GLT1D1: variants seen among roughly 807,000 people sequenced by gnomAD.
GLT1D1 encodes the protein glycosyltransferase 1 domain containing 1.
Under a neutral mutation model 28.7 loss-of-function variants are expected in GLT1D1, and 21 were observed. The observed-to-expected ratio is 0.73, with a 90% confidence interval of 0.52 to 1.05. The LOEUF (loss-of-function observed/expected upper bound fraction) is 1.05. Ranked by LOEUF, GLT1D1 falls within the 50% of genes least tolerant of loss-of-function variation. The pLI is 0.00. For missense variants in GLT1D1, 343 were observed against 330.6 expected (o/e 1.04, Z -0.29); for synonymous variants, 147 against 124.8 (o/e 1.18, Z -1.19).
intron 6 of GLT1D1, among the ~76,000 whole-genome samples, chr12:128,953,123 C>T (rs778509882): frequency 6.6e-5 from 10 of 152,016 alleles, no homozygotes; most frequent in Non-Finnish European, 1.3e-4. Context: ...CCCATTTATA[C>T]CTTCTCTGAA....
chr12:128,960,936 G>T (rs575870290), intron 7 of GLT1D1, among the ~76,000 whole-genome samples: 6 of 152,046 alleles, frequency 3.9e-5, no homozygotes, highest in Non-Finnish European at 7.4e-5. Context: ...TTCTGCATTC[G>T]CTTTTATTTT....
At chr12:128,899,675 G>C (rs184823525) in intron 4 of GLT1D1, among the ~76,000 whole-genome samples, 23 of 151,228 alleles carry the variant, frequency 1.5e-4, no homozygotes, top group African/African-American at 5.6e-4. Context: ...TGAGCCTCCT[G>C]AGTAGCTGGG....
chr12:128,893,749 C>T (rs1403956620), intron 3 of GLT1D1, among the ~76,000 whole-genome samples: 1 of 152,054 alleles, frequency 6.6e-6, no homozygotes, highest in Non-Finnish European at 1.5e-5. Context: ...CCACGCCTGG[C>T]TAATTTTTGT....
intron 6 of GLT1D1, among the ~76,000 whole-genome samples, chr12:128,956,158 C>CAAAAAAAAAAAA (rs1555219265): frequency 0.043 from 319 of 7,460 alleles, 85 homozygotes; most frequent in African/African-American, 0.11. Context: ...GACTCCATCT[C>CAAAAAAAAAAAA]AAAAAAAAAA....
intron 1 of GLT1D1, among the ~76,000 whole-genome samples, chr12:128,854,141 T>C (rs1044301222): frequency 6.6e-6 from 1 of 152,160 alleles, no homozygotes; most frequent in African/African-American, 2.4e-5. Flanking sequence ...CTGCCCTGTC[T>C]ATTCTCGTCT....
chr12:128,886,434 G>C (rs1305225887), intron 2 of GLT1D1, among the ~76,000 whole-genome samples: 1 of 152,116 alleles, frequency 6.6e-6, no homozygotes, highest in Non-Finnish European at 1.5e-5. Flanking sequence ...CAAGACCCCT[G>C]AGGCGGTGAC....
intron 6 of GLT1D1, among the ~76,000 whole-genome samples, chr12:128,950,151 C>T (rs889536533): frequency 2.0e-5 from 3 of 152,144 alleles, no homozygotes; most frequent in African/African-American, 7.2e-5. Flanking sequence ...GAGTTTTCAT[C>T]ATTAGGAAGA....
intron 2 of GLT1D1, among the ~76,000 whole-genome samples, chr12:128,882,933 A>ATT: frequency 6.9e-6 from 1 of 144,784 alleles, no homozygotes; most frequent in African/African-American, 2.5e-5. Flanking sequence ...TATATTTTTA[A>ATT]TTTTTTTTTT....
At chr12:128,981,213 C>T (rs751508095) in intron 7 of GLT1D1, among the ~76,000 whole-genome samples, 2 of 152,120 alleles carry the variant, frequency 1.3e-5, no homozygotes, top group Non-Finnish European at 2.9e-5. Flanking sequence ...TATGTTTTTT[C>T]GTTCACTTTT....
intron 1 of GLT1D1, among the ~76,000 whole-genome samples, chr12:128,874,100 C>CTTTCTTTCTTTCTTTCTTTCTT (rs1219784154): frequency 2.3e-5 from 1 of 43,062 alleles, no homozygotes; most frequent in African/African-American, 1.1e-4. Context: ...TTCTTTCTTT[C>CTTTCTTTCTTTCTTTCTTTCTT]TCTCTCTCTC....
chr12:128,926,488 T>C (rs1168389019), intron 4 of GLT1D1, 34 bp downstream of exon 7: 1 of 1,156,570 alleles, frequency 8.6e-7, no homozygotes, highest in Admixed American at 2.0e-5. Flanking sequence ...CCACTGTTTA[T>C]AGAATTCCTT....
At chr12:128,955,491 C>T (rs1262359117) in intron 6 of GLT1D1, among the ~76,000 whole-genome samples, 1 of 148,186 alleles carries the variant, frequency 6.7e-6, no homozygotes, top group African/African-American at 2.5e-5. Flanking sequence ...TGGATGTGCA[C>T]TCCATACATA....
intron 4 of GLT1D1, among the ~76,000 whole-genome samples, chr12:128,900,577 A>G (rs1870136916): frequency 6.6e-6 from 1 of 151,950 alleles, no homozygotes; most frequent in Admixed American, 6.6e-5. Context: ...TGACTTGTCA[A>G]TCTCAGTATT....
intron 5 of GLT1D1, among the ~76,000 whole-genome samples, chr12:128,946,186 G>A (rs542061276): frequency 1.2e-4 from 18 of 152,270 alleles, no homozygotes; most frequent in South Asian, 4.1e-4. Context: ...GGTGGCCAGC[G>A]GTGGGGACGG....
intron 7 of GLT1D1, among the ~76,000 whole-genome samples, chr12:128,960,575 TGC>T (rs1877828727): frequency 6.6e-6 from 1 of 151,924 alleles, no homozygotes; most frequent in Non-Finnish European, 1.5e-5. Context: ...CTGGCAAACA[TGC>T]AAAACCCTGT....
chr12:128,912,103 T>G (rs1460123886), intron 4 of GLT1D1, among the ~76,000 whole-genome samples: 1 of 152,232 alleles, frequency 6.6e-6, no homozygotes, highest in African/African-American at 2.4e-5. Flanking sequence ...TGGCATGCTC[T>G]CTGGCTGAAC....
intron 4 of GLT1D1, among the ~76,000 whole-genome samples, chr12:128,908,815 G>A (rs1871223362): frequency 6.6e-6 from 1 of 152,124 alleles, no homozygotes; most frequent in South Asian, 2.1e-4. Flanking sequence ...CGGGCGTGGT[G>A]ACGGGCGCCT....
chr12:128,905,452 T>G (rs1387890361), intron 4 of GLT1D1, among the ~76,000 whole-genome samples: 1 of 152,202 alleles, frequency 6.6e-6, no homozygotes, highest in Admixed American at 6.5e-5. Flanking sequence ...CAGTGAGGGT[T>G]AGTTTGTAAC....
chr12:128,963,106 A>G (rs769053304), intron 7 of GLT1D1, among the ~76,000 whole-genome samples: 39 of 152,232 alleles, frequency 2.6e-4, no homozygotes, highest in Non-Finnish European at 3.7e-4. Context: ...TTTCCGCTGA[A>G]AATGAGAACT....
Sources: allele counts gnomAD v4.1 joint callset (sites outside exome capture counted in the v4.1 genomes callset), GRCh38; gene constraint gnomAD v4.1.1; transcripts MANE v1.5; gene names NCBI Gene and HGNC (gene_info 2026-07-23, HGNC 2026-07-21).